Variants in LRRC69 observed in about 807,000 individuals in gnomAD.
LRRC69 encodes the protein leucine rich repeat containing 69, also known as leucine-rich repeat-containing protein 69.
A neutral mutation model predicts 37.8 loss-of-function variants in LRRC69; 42 were observed. The observed-to-expected ratio is 1.11, with a 90% CI of 0.87 to 1.44. The LOEUF is 1.44. Ranked by LOEUF, LRRC69 falls within the 40% of genes most tolerant of loss-of-function variation. The pLI, the probability that LRRC69 is intolerant of heterozygous loss-of-function variation, is 0.00. For synonymous variants in LRRC69, 141 were observed against 143.1 expected (o/e 0.99, Z 0.11); for missense variants, 357 against 401.9 (o/e 0.89, Z 0.96).
At chr8:91,194,822 GT>G (rs532836297) in intron 6 of LRRC69, among the ~76,000 whole-genome samples, 265 of 152,096 alleles carry the variant, frequency 1.7e-3, no homozygotes, top group Non-Finnish European at 2.9e-3. Flanking sequence ...TTTTTGAAGG[GT>G]TTTTTGTGTC....
intron 1 of LRRC69, among the ~76,000 whole-genome samples, chr8:91,122,087 T>C (rs1813633756): frequency 6.6e-6 from 1 of 152,078 alleles, no homozygotes; most frequent in Non-Finnish European, 1.5e-5. Flanking sequence ...TGTAAGAACT[T>C]ACCACATAAC....
chr8:91,149,547 T>A (rs78044144), intron 5 of LRRC69, among the ~76,000 whole-genome samples: 1 of 151,796 alleles, frequency 6.6e-6, no homozygotes, highest in Non-Finnish European at 1.5e-5. Context: ...CTTTTGGTTT[T>A]GGATCGACTT....
intron 6 of LRRC69, among the ~76,000 whole-genome samples, chr8:91,192,405 C>G (rs2130614530): frequency 6.6e-6 from 1 of 151,844 alleles, no homozygotes; most frequent in South Asian, 2.1e-4. Context: ...GTTCTAGATC[C>G]CTGAGGAATC....
intron 7 of LRRC69, among the ~76,000 whole-genome samples, chr8:91,205,960 G>T (rs1809796807): frequency 6.6e-6 from 1 of 152,164 alleles, no homozygotes; most frequent in Admixed American, 6.5e-5. Flanking sequence ...GTTTATATCA[G>T]AAAGCTTTGA....
chr8:91,127,170 T>G lies in LRRC69; in HGVS notation c.383+10T>G. 2.6e-6 allele frequency: 4 copies of G among 1,545,734 alleles called. No individual in the cohort carries two copies. Among genetic ancestry groups the G allele is most frequent in the Non-Finnish European group, 3.5e-6 (4 of 1,143,768 alleles). ...CTCAAGAAGTCAGCAGGTAATTTTG[T>G]TTATAGCAAGACTTGGTTAACAATC... is the stretch of plus-strand genomic sequence containing the variant. On this transcript the variant is annotated intron_variant, in intron 3 of 7. Coordinates refer to ENST00000448384, the Ensembl canonical transcript of LRRC69.
intron 5 of LRRC69, among the ~76,000 whole-genome samples, chr8:91,167,982 C>T (rs1809058709): frequency 6.6e-6 from 1 of 151,952 alleles, no homozygotes; most frequent in Non-Finnish European, 1.5e-5. Context: ...ATTCGATATA[C>T]ATTTTCTGAG....
At chr8:91,210,952 T>A (rs1361859098) in intron 7 of LRRC69, among the ~76,000 whole-genome samples, 1 of 152,088 alleles carries the variant, frequency 6.6e-6, no homozygotes, top group Non-Finnish European at 1.5e-5. Context: ...TTGGTAAAAC[T>A]ATATACCACC....
chr8:91,192,720 G>C (rs1229003728), intron 6 of LRRC69, among the ~76,000 whole-genome samples: 1 of 151,756 alleles, frequency 6.6e-6, no homozygotes, highest in Non-Finnish European at 1.5e-5. Flanking sequence ...AAATTTGTTT[G>C]AGTTCTTTGT....
intron 7 of LRRC69, among the ~76,000 whole-genome samples, chr8:91,212,710 G>C (rs929080166): frequency 2.6e-5 from 4 of 152,074 alleles, no homozygotes; most frequent in African/African-American, 9.7e-5. Context: ...AATGAATGTA[G>C]GTTTTAAAAC....
chr8:91,108,590 G>A (rs1408750153), intron 1 of LRRC69, among the ~76,000 whole-genome samples: 1 of 152,040 alleles, frequency 6.6e-6, no homozygotes, highest in Non-Finnish European at 1.5e-5. Flanking sequence ...AGGTGATTGT[G>A]AAAACGTGCA....
intron 1 of LRRC69, among the ~76,000 whole-genome samples, chr8:91,114,918 C>T (rs1174158295): frequency 6.6e-6 from 1 of 151,922 alleles, no homozygotes; most frequent in Non-Finnish European, 1.5e-5. Context: ...GCCTGGCAGA[C>T]ATTATACTAA....
chr8:91,127,264 T>C, intron 3 of LRRC69, 104 bp downstream of exon 3: 1 of 815,754 alleles, frequency 1.2e-6, no homozygotes, highest in Non-Finnish European at 1.9e-6. Flanking sequence ...CTGTGAGATT[T>C]ATACATAGCA....
intron 7 of LRRC69, among the ~76,000 whole-genome samples, chr8:91,215,813 G>A (rs533408714): frequency 1.3e-4 from 20 of 152,254 alleles, no homozygotes; most frequent in Middle Eastern, 3.4e-3. Context: ...GGTTTGTGAA[G>A]AGAGGTCCTC....
intron 5 of LRRC69, chr8:91,157,941 G>C (rs554178452): frequency 2.0e-6 from 3 of 1,471,980 alleles, no homozygotes; most frequent in South Asian, 2.3e-5. Flanking sequence ...TATACTGATT[G>C]CACGTTCCGT....
intron 5 of LRRC69, among the ~76,000 whole-genome samples, chr8:91,182,542 A>G (rs2130600467): frequency 6.6e-6 from 1 of 152,336 alleles, no homozygotes; most frequent in East Asian, 1.9e-4. Context: ...AGTACTTTGT[A>G]TGGATTACAT....
rs1809491168 is a variant in LRRC69 at position 91,191,263 on chromosome 8, A to G, written c.753+1640A>G. On this transcript the variant is annotated intron_variant, in intron 6 of 7. Coordinates refer to ENST00000448384, the Ensembl canonical transcript of LRRC69. ...TCTTACTCTTCTGTAACAGAAAAAC[A>G]TCTCATTTGAAATTTAATAGTAAAT... Among the ~76,000 whole-genome samples the G allele has an allele frequency of 2.0e-5, 3 of 152,128 alleles. No homozygotes were observed. The South Asian group carries it at 6.2e-4, about 32-fold the overall frequency.
At chr8:91,117,644 A>G (rs1365778346) in intron 1 of LRRC69, among the ~76,000 whole-genome samples, 1 of 148,318 alleles carries the variant, frequency 6.7e-6, no homozygotes, top group Non-Finnish European at 1.5e-5. Context: ...GCACAAGTCC[A>G]GGATGTGGGA....
chr8:91,157,173 A>T, intron 5 of LRRC69: 1 of 764,116 alleles, frequency 1.3e-6, no homozygotes, highest in Non-Finnish European at 2.3e-6. Context: ...GTATTTTGAT[A>T]GGGATTGCTT....
intron 1 of LRRC69, among the ~76,000 whole-genome samples, chr8:91,109,549 T>C (rs868119404): frequency 1.3e-5 from 2 of 152,136 alleles, no homozygotes; most frequent in African/African-American, 4.8e-5. Flanking sequence ...TTCTAATAAT[T>C]TGAAACTCTT....
Sources: allele counts gnomAD v4.1 joint callset (sites outside exome capture counted in the v4.1 genomes callset), GRCh38; gene constraint gnomAD v4.1.1; transcripts MANE v1.5; gene names NCBI Gene and HGNC (gene_info 2026-07-23, HGNC 2026-07-21).